Variants in KISS1 observed in about 807,000 individuals in gnomAD.
The protein encoded by KISS1 is metastasis-suppressor KiSS-1.
For missense variants in KISS1, 182 were observed against 182.7 expected (o/e 1.00, Z 0.02); for synonymous variants, 97 against 88.7 (o/e 1.09, Z -0.52).
In KISS1 at chr1:204,190,409, T is replaced by TTCCCCCCCCCCCCC; in HGVS notation, c.*74_*75insGGGGGGGGGGGGGA. 4 of 570,140 alleles carry TTCCCCCCCCCCCCC rather than the reference T, an allele frequency of 7.0e-6. No homozygotes were observed. The highest frequency in any genetic ancestry group is 1.6e-5 in the South Asian group (1 of 62,526). 35.3% of individuals were successfully genotyped at this position (570,140 alleles called of 1,614,324 possible). On this transcript the variant is annotated 3_prime_UTR_variant, in exon 3 of 3. Coordinates refer to ENST00000367194, the MANE Select transcript of KISS1 (RefSeq NM_002256.4). ...CAGCGCCCCCTCCCTTAGCCCTACG[T>TTCCCCCCCCCCCCC]CCCCGCCCCCCGCCCCCGCCCCGCA...
At chr1:204,195,256 CAT>C (rs1558254665) in intron 1 of KISS1, among the ~76,000 whole-genome samples, 56 of 87,766 alleles carry the variant, frequency 6.4e-4, no homozygotes, top group South Asian at 7.7e-4. Context: ...CATACACACA[CAT>C]CATACACACA....
chr1:204,195,723 A>T (rs1174081375), intron 1 of KISS1, among the ~76,000 whole-genome samples: 17 of 114,194 alleles, frequency 1.5e-4, no homozygotes, highest in African/African-American at 5.0e-4. Context: ...TATCACACAC[A>T]CACACACACA....
chr1:204,190,777 C>A lies in KISS1; in HGVS notation c.124G>T (p.Gly42Cys). The change falls in exon 3 of 3, where the codon GGC becomes TGC. Residue 42 changes from glycine (G) to cysteine (C), a missense_variant. Transcript: ENST00000367194. ...RPTGQQLESL[G>C]LLAPGEQSLP... ...CTCTGCTCCCCGGGGGCCAGGAGGCCCAGGGATTCTAGCTGCTGGCCTAGG... is the reference window on the plus strand; with the variant it reads ...CTCTGCTCCCCGGGGGCCAGGAGGCACAGGGATTCTAGCTGCTGGCCTAGG... 6.2e-7 allele frequency: 1 copy of A among 1,611,624 alleles called. No individual in the cohort carries two copies. Among genetic ancestry groups the A allele is most frequent in the African/African-American group, 1.3e-5 (1 of 74,976 alleles).
chr1:204,196,042 C>T (rs1012391253), intron 1 of KISS1, among the ~76,000 whole-genome samples: 22 of 152,110 alleles, frequency 1.4e-4, no homozygotes, highest in African/African-American at 2.4e-4. Context: ...TCAAGAGCCC[C>T]GAGCGGTTCC....
At position 204,190,638 on chromosome 1, in the gene KISS1, G is replaced by A. The variant is rs760697034; in HGVS notation, c.263C>T (p.Ala88Val). Residue 88 changes from alanine to valine, a missense_variant, in exon 3 of 3, where the codon GCC becomes GTC. Ala to Val is a moderately conservative substitution (Grantham distance 64). Transcript: ENST00000367194. ...SGSPQQPGLS[A>V]PHSRQIPAPQ... ...TGCGGGGATCTGGCGGCTGTGGGGG[G>A]CGGACAGGCCCGGCTGCTGGGGGCT... 3 of 1,584,166 alleles carry A rather than the reference G, an allele frequency of 1.9e-6. No individual in the cohort carries two copies. The Admixed American group carries it at 5.4e-5, about 28-fold the overall frequency.
rs779938218 is a variant in KISS1, at chr1:204,192,906, G to C, written c.-30C>G. Reference sequence around the variant, plus strand: ...GTGAGAAGAGGCAGGTCCTAGAAGTGCCTTGAGGCTGAGACAGAGAGAGGG... The same window carrying C: ...GTGAGAAGAGGCAGGTCCTAGAAGTCCCTTGAGGCTGAGACAGAGAGAGGG... On this transcript the variant is annotated 5_prime_UTR_variant, in exon 2 of 3. Coordinates refer to ENST00000367194, the MANE Select transcript of KISS1 (RefSeq NM_002256.4). The surrounding 1 kb of genome is among the most constrained non-coding windows in gnomAD (Gnocchi z 4.2). 4.2e-6 allele frequency: 6 copies of C among 1,442,880 alleles called. No individual in the cohort carries two copies. The highest frequency in any genetic ancestry group is 1.9e-4 in the Middle Eastern group (1 of 5,400). The allele number at this position is 1,442,880 out of a possible 1,614,324, so 89.4% of individuals were successfully genotyped here.
rs745585227 is a variant in KISS1 at position 204,190,671 on chromosome 1, C to A, written c.230G>T (p.Ser77Ile). ...RGTSLSPPPE[S>I]SGSPQQPGLS... The stretch of plus-strand genomic sequence containing the variant: ...GCCCGGCTGCTGGGGGCTCCCGGAG[C>A]TCTCGGGGGGCGGGGACAGCGAGGT... The change falls in exon 3 of 3, where the codon AGC becomes ATC. Residue 77 changes from serine to isoleucine, a missense_variant. Coordinates refer to ENST00000367194, the MANE Select transcript of KISS1 (RefSeq NM_002256.4). The A allele has an allele frequency of 7.6e-5, 121 of 1,589,202 alleles. No homozygotes were observed. The highest frequency in any genetic ancestry group is 1.0e-4 in the Non-Finnish European group (119 of 1,168,664).
chr1:204,191,895 T>G (rs774834001), intron 2 of KISS1, among the ~76,000 whole-genome samples: 19 of 152,110 alleles, frequency 1.2e-4, no homozygotes, highest in Non-Finnish European at 2.6e-4. Context: ...CCAACAACCC[T>G]ATATCCCTGG....
Position 204,190,704 on chromosome 1 carries a change from C to T in KISS1, c.197G>A (p.Arg66His), listed in dbSNP as rs752056340. ...GGGCGGGGACAGCGAGGTCCCCCGA[C>T]GGCTCAGCCTGGCAGTAGCAGCTGG... ...RKPAATARLS[R>H]RGTSLSPPPE... The change falls in exon 3 of 3, where the codon CGT (arginine) becomes CAT (histidine). Residue 66 changes from arginine to histidine, a missense_variant. Coordinates refer to ENST00000367194, the MANE Select transcript of KISS1 (RefSeq NM_002256.4). 66 of 1,604,650 alleles carry T rather than the reference C, an allele frequency of 4.1e-5. 1 individual carries two copies. In the South Asian group the frequency reaches 7.2e-4, roughly 17 times the overall value.
In KISS1 at chr1:204,192,994, G is replaced by C. The variant is rs1658773939; in HGVS notation, c.-38-80C>G. 1.3e-6 allele frequency: 1 copy of C among 743,920 alleles called. No individual in the cohort carries two copies. The highest frequency in any genetic ancestry group is 2.4e-6 in the Non-Finnish European group (1 of 421,532). 46.1% of individuals were successfully genotyped at this position (743,920 alleles called of 1,614,324 possible). ...GCTGAGGGCAGAGCCCAGTGCAAAA[G>C]GGACAGTCCTCCAAGAGAGGGGCAA... On this transcript the variant is annotated intron_variant, in intron 1 of 2. Transcript: ENST00000367194. This position sits in a 1 kb window ranked among gnomAD's most constrained non-coding sequence, Gnocchi z 4.2.
At chr1:204,195,151 C>CACACATGCACA (rs1658813636) in intron 1 of KISS1, among the ~76,000 whole-genome samples, 1 of 4,028 alleles carries the variant, frequency 2.5e-4, no homozygotes. Context: ...CACACACCCC[C>CACACATGCACA]CACACCACAC....
At chr1:204,191,869 C>G (rs1571665380) in intron 2 of KISS1, among the ~76,000 whole-genome samples, 1 of 152,166 alleles carries the variant, frequency 6.6e-6, no homozygotes, top group East Asian at 1.9e-4. Flanking sequence ...CACCTAAAGC[C>G]TTTTGCCAAA....
chr1:204,191,952 C>T (rs750648716), intron 2 of KISS1, among the ~76,000 whole-genome samples: 4 of 152,166 alleles, frequency 2.6e-5, no homozygotes, highest in African/African-American at 4.8e-5. Context: ...CCCAGAAAAA[C>T]GCCTGATCCC....
At chr1:204,191,642 T>C (rs914317118) in intron 2 of KISS1, among the ~76,000 whole-genome samples, 4 of 152,234 alleles carry the variant, frequency 2.6e-5, no homozygotes, top group Non-Finnish European at 5.9e-5. Flanking sequence ...TGAATAGATG[T>C]GCTGGGGCGG....
In KISS1 at chr1:204,190,767, G is replaced by A. The variant is rs931590237; in HGVS notation, c.134C>T (p.Ala45Val). 21 of 1,611,706 alleles carry A rather than the reference G, an allele frequency of 1.3e-5. No homozygotes were observed. Among genetic ancestry groups the A allele is most frequent in the East Asian group, 2.2e-5 (1 of 44,842 alleles). Residue 45 changes from alanine (A) to valine (V), a missense_variant, in exon 3 of 3, where the codon GCC becomes GTC. Ala to Val is a moderately conservative substitution (Grantham distance 64, BLOSUM62 0). Transcript: ENST00000367194. Reference protein sequence around the residue: ...GQQLESLGLLAPGEQSLPCTE... With the variant: ...GQQLESLGLLVPGEQSLPCTE... ...GCACGGCAGGCTCTGCTCCCCGGGG[G>A]CCAGGAGGCCCAGGGATTCTAGCTG...
intron 1 of KISS1, among the ~76,000 whole-genome samples, chr1:204,194,758 T>A (rs966440326): frequency 1.3e-5 from 2 of 152,126 alleles, no homozygotes; most frequent in African/African-American, 4.8e-5. Flanking sequence ...CTGAAAGGTT[T>A]ACAGAAAGTG....
At position 204,190,408 on chromosome 1, in the gene KISS1, G is replaced by GCCCCCCCCCC; in HGVS notation, c.*75_*76insGGGGGGGGGG. The GCCCCCCCCCC allele has an allele frequency of 1.3e-6, 1 of 762,808 alleles. No individual in the cohort carries two copies. Among genetic ancestry groups the GCCCCCCCCCC allele is most frequent in the Admixed American group, 2.4e-5 (1 of 41,676 alleles). 47.3% of individuals were successfully genotyped at this position (762,808 alleles called of 1,614,324 possible). A position where few individuals can be genotyped will look rare whatever the true frequency, so the allele number is the denominator to read the frequency against. ...CCAGCGCCCCCTCCCTTAGCCCTAC[G>GCCCCCCCCCC]TCCCCGCCCCCCGCCCCCGCCCCGC... On this transcript the variant is annotated 3_prime_UTR_variant, in exon 3 of 3. Transcript: ENST00000367194.
At chr1:204,193,630 G>A (rs2102329643) in intron 1 of KISS1, among the ~76,000 whole-genome samples, 2 of 152,206 alleles carry the variant, frequency 1.3e-5, no homozygotes, top group South Asian at 4.2e-4. Flanking sequence ...TATCATTCAT[G>A]GAAAAGAAAA....
rs913920504 is a variant in KISS1 at position 204,190,474 on chromosome 1, A to T, written c.*10T>A. 2 of 1,501,536 alleles carry T rather than the reference A, an allele frequency of 1.3e-6. No homozygotes were observed. Among genetic ancestry groups the T allele is most frequent in the South Asian group, 1.1e-5 (1 of 87,228 alleles). The allele number at this position is 1,501,536 out of a possible 1,614,324, so 93.0% of individuals were successfully genotyped here. ...TGGGGTCTGAAGTTCACTGCCCCGCACCTGCGCCCTCAGCCCCGCCCAGCG... is the reference window on the plus strand; with the variant it reads ...TGGGGTCTGAAGTTCACTGCCCCGCTCCTGCGCCCTCAGCCCCGCCCAGCG... On this transcript the variant is annotated 3_prime_UTR_variant, in exon 3 of 3. Coordinates refer to ENST00000367194, the MANE Select transcript of KISS1 (RefSeq NM_002256.4).
Sources: allele counts gnomAD v4.1 joint callset (sites outside exome capture counted in the v4.1 genomes callset), GRCh38; gene constraint gnomAD v4.1.1; non-coding constraint Gnocchi (gnomAD v3.1); transcripts MANE v1.5; gene names NCBI Gene and HGNC (gene_info 2026-07-23, HGNC 2026-07-21).